ZFPM1: variants seen among roughly 807,000 people sequenced by gnomAD.
ZFPM1 encodes zinc finger protein, FOG family member 1, also known as zinc finger protein ZFPM1.
In ZFPM1, 28 loss-of-function variants were observed where a neutral mutation model predicts 46.3. The observed-to-expected ratio is 0.60, with a 90% CI of 0.45 to 0.83. The LOEUF (loss-of-function observed/expected upper bound fraction) is 0.83. Ranked by LOEUF, ZFPM1 falls within the 40% of genes least tolerant of loss-of-function variation. The pLI is 0.00. For synonymous variants in ZFPM1, 957 were observed against 675.9 expected, an observed-to-expected ratio of 1.42 and a Z score of -6.45; for missense variants, 1,878 against 1,432.4, an observed-to-expected ratio of 1.31 and a Z score of -5.02.
Position 88,497,642 on chromosome 16 carries a change from G to T in ZFPM1, c.268+8489G>T, listed in dbSNP as rs1202230055. 1.3e-5 allele frequency among the ~76,000 whole-genome samples: 2 copies of T among 152,140 alleles called. No individual in the cohort carries two copies. The highest frequency in any genetic ancestry group is 4.8e-5 in the African/African-American group (2 of 41,422). On this transcript the variant is annotated intron_variant, in intron 3 of 9. Transcript: ENST00000319555. The surrounding 1 kb of genome is among the most constrained non-coding windows in gnomAD (Gnocchi z 5.4). ...TACCCTGAAGGGTTTTGTGGGGGGT[G>T]TTCGTGCCGTGAGCGATCCGGTCCA...
intron 4 of ZFPM1, among the ~76,000 whole-genome samples, chr16:88,514,916 G>A (rs1235908526): frequency 5.3e-5 from 8 of 152,280 alleles, no homozygotes; most frequent in Admixed American, 2.6e-4. Context: ...GTCTGTCCCC[G>A]CGGACTCTTC....
chr16:88,534,643 G>A lies in ZFPM1; in HGVS notation c.2685G>A (p.Pro895=). 1.9e-6 allele frequency: 2 copies of A among 1,031,116 alleles called. No homozygotes were observed. Among genetic ancestry groups the A allele is most frequent in the Non-Finnish European group, 2.3e-6 (2 of 862,604 alleles). 63.9% of individuals were successfully genotyped at this position (1,031,116 alleles called of 1,614,324 possible). A position where few individuals can be genotyped will look rare whatever the true frequency, so the allele number is the denominator to read the frequency against. ...GCCCGGGGGTCGAGGCCCGGACGCC[G>A]GCCGACCGCGGCCCCTCGCCCGCTC... ...LAGPGVEART[P]ADRGPSPAPA... is the part of the protein sequence containing the mutation. The change falls in exon 10 of 10, where the codon CCG becomes CCA. Residue 895 remains proline (P), a synonymous_variant. Transcript: ENST00000319555.
At chr16:88,481,888 C>T (rs1908961817) in intron 1 of ZFPM1, among the ~76,000 whole-genome samples, 1 of 152,244 alleles carries the variant, frequency 6.6e-6, no homozygotes, top group Non-Finnish European at 1.5e-5. Flanking sequence ...AAAACCTGTG[C>T]TAGCCACAGT....
intron 6 of ZFPM1, among the ~76,000 whole-genome samples, chr16:88,529,035 C>T (rs1239664469): frequency 2.0e-5 from 3 of 152,208 alleles, no homozygotes; most frequent in East Asian, 1.9e-4. Flanking sequence ...ATCCCAGCAC[C>T]GTGGGAGGCC....
At chr16:88,488,581 TG>T (rs904240803) in intron 2 of ZFPM1, among the ~76,000 whole-genome samples, 5 of 140,914 alleles carry the variant, frequency 3.5e-5, no homozygotes, top group African/African-American at 1.3e-4. Context: ...CGTCATGGGG[TG>T]GGGGGGCTTT....
At chr16:88,493,531 CCCGGGGTGGGGAGAGCT>C (rs1909742899) in intron 3 of ZFPM1, among the ~76,000 whole-genome samples, 1 of 103,350 alleles carries the variant, frequency 9.7e-6, no homozygotes, top group African/African-American at 4.0e-5. Flanking sequence ...GGGGAGCTGT[CCCGGGGTGGGGAGAGCT>C]GTCCCGGGGT....
At position 88,533,440 on chromosome 16, in the gene ZFPM1, C is replaced by T. The variant is rs1027486248; in HGVS notation, c.1482C>T (p.Ser494=). The change falls in exon 10 of 10, where the codon AGC becomes AGT. Residue 494 remains serine, a synonymous_variant. Transcript: ENST00000319555. ...QAPSRTPSPR[S]PAPARVKAEL... ...CGTCGCGGACGCCGTCGCCGCGCAGCCCCGCCCCGGCCAGGGTCAAGGCCG... is the reference window on the plus strand; with the variant it reads ...CGTCGCGGACGCCGTCGCCGCGCAGTCCCGCCCCGGCCAGGGTCAAGGCCG... The T allele has an allele frequency of 2.4e-5, 35 of 1,450,200 alleles. No individual in the cohort carries two copies. The Admixed American group carries it at 6.5e-4, about 27-fold the overall frequency. 89.8% of individuals were successfully genotyped at this position (1,450,200 alleles called of 1,614,324 possible).
chr16:88,533,658 C>G lies in ZFPM1; in HGVS notation c.1700C>G (p.Thr567Ser), dbSNP rs1396516178. ...GAGAGAGGAQ[T>S]GLFPGAPKGA... ...GGCGCGGGCGCCGGCGGCGCGCAGA[C>G]CGGGCTCTTCCCCGGGGCCCCCAAG... The change falls in exon 10 of 10, where the codon ACC becomes AGC. Residue 567 changes from threonine (T) to serine (S), a missense_variant. Transcript: ENST00000319555. 6.8e-7 allele frequency: 1 copy of G among 1,477,574 alleles called. No homozygotes were observed. Among genetic ancestry groups the G allele is most frequent in the Non-Finnish European group, 9.0e-7 (1 of 1,110,562 alleles). The allele number at this position is 1,477,574 out of a possible 1,614,324, so 91.5% of individuals were successfully genotyped here. A position where few individuals can be genotyped will look rare whatever the true frequency, so the allele number is the denominator to read the frequency against.
intron 4 of ZFPM1, among the ~76,000 whole-genome samples, chr16:88,519,629 T>C (rs1006820180): frequency 1.1e-5 from 1 of 88,350 alleles, no homozygotes; most frequent in African/African-American, 4.6e-5. Context: ...GATGCATGAT[T>C]AGGTGGGTGA....
chr16:88,534,501 C>T lies in ZFPM1; in HGVS notation c.2543C>T (p.Ala848Val). The T allele has an allele frequency of 6.9e-7, 1 of 1,459,358 alleles. No homozygotes were observed. Among genetic ancestry groups the T allele is most frequent in the Non-Finnish European group, 9.0e-7 (1 of 1,110,326 alleles). The allele number at this position is 1,459,358 out of a possible 1,614,324, so 90.4% of individuals were successfully genotyped here. A position where few individuals can be genotyped will look rare whatever the true frequency, so the allele number is the denominator to read the frequency against. The change falls in exon 10 of 10, where the codon GCG (alanine) becomes GTG (valine). Residue 848 changes from alanine to valine, a missense_variant. Physicochemically the swap from Ala to Val is moderately conservative, Grantham distance 64. Coordinates refer to ENST00000319555, the MANE Select transcript of ZFPM1 (RefSeq NM_153813.3). The stretch of plus-strand genomic sequence containing the variant: ...TGCCCCGCTGCGCCACCGCCCGGCG[C>T]GCTCGGCCTGCCCGCCGCCGCCTGC... ...YSCPAAPPPGALGLPAAACPY... is the reference protein window; with the variant it reads ...YSCPAAPPPGVLGLPAAACPY...
intron 4 of ZFPM1, among the ~76,000 whole-genome samples, chr16:88,526,171 C>T (rs1188172570): frequency 6.6e-6 from 1 of 152,240 alleles, no homozygotes; most frequent in African/African-American, 2.4e-5. Context: ...TGCTCCCCAG[C>T]GTCCGCCGTG....
intron 4 of ZFPM1, chr16:88,515,978 A>G: frequency 7.6e-6 from 3 of 396,476 alleles, no homozygotes. Context: ...AAGAAAACCC[A>G]TAGGTAGAGA....
rs1360742081 is a variant in ZFPM1, at chr16:88,536,581, A to G, written c.*1602A>G. 1 of 152,198 alleles carries G rather than the reference A, an allele frequency of 6.6e-6. No homozygotes were observed. Among genetic ancestry groups the G allele is most frequent in the Non-Finnish European group, 1.5e-5 (1 of 68,038 alleles). 9.4% of individuals were successfully genotyped at this position (152,198 alleles called of 1,614,324 possible). On this transcript the variant is annotated 3_prime_UTR_variant, in exon 10 of 10. Coordinates refer to ENST00000319555, the MANE Select transcript of ZFPM1 (RefSeq NM_153813.3). ...GCCTCTTGCCTCAGAAGCCCGAGGC[A>G]CTTCCCAGCCAGTCCAGGGCTCGCT...
At chr16:88,531,138 G>C (rs1202589890) in intron 6 of ZFPM1, 1 of 152,274 alleles carries the variant, frequency 6.6e-6, no homozygotes, top group Non-Finnish European at 1.5e-5. Flanking sequence ...AGCCAGATAA[G>C]GAATCCCAGG....
At chr16:88,458,788 A>T (rs1475775396) in intron 1 of ZFPM1, among the ~76,000 whole-genome samples, 1 of 152,188 alleles carries the variant, frequency 6.6e-6, no homozygotes, top group African/African-American at 2.4e-5. Flanking sequence ...CTGAGGCTAC[A>T]GCCACAGGTC....
intron 3 of ZFPM1, among the ~76,000 whole-genome samples, chr16:88,514,041 C>T (rs1427833101): frequency 6.6e-5 from 10 of 152,234 alleles, no homozygotes; most frequent in Non-Finnish European, 2.9e-5. Context: ...GGCCCCCAGT[C>T]AGCCATGACA....
rs762841648 is a variant in ZFPM1 at position 88,514,404 on chromosome 16, G to C, written c.286G>C (p.Val96Leu). The C allele has an allele frequency of 9.6e-6, 15 of 1,564,448 alleles. No homozygotes were observed. In the Middle Eastern group the frequency reaches 1.5e-3, roughly 156 times the overall value. Reference sequence around the variant, plus strand: ...CTCTGCAGACGAGCTGGAGCCGGTGGTGCAGGATGGGCAGAGGCGCATACG... The same window carrying C: ...CTCTGCAGACGAGCTGGAGCCGGTGCTGCAGGATGGGCAGAGGCGCATACG... ...WSGPDELEPV[V>L]QDGQRRIRAR... Residue 96 changes from valine (V) to leucine (L), a missense_variant, in exon 4 of 10, where the codon GTG (valine) becomes CTG (leucine). Physicochemically the swap from Val to Leu is conservative, Grantham distance 32 (BLOSUM62 1). Transcript: ENST00000319555.
At chr16:88,475,561 C>T (rs1294470028) in intron 1 of ZFPM1, among the ~76,000 whole-genome samples, 2 of 151,876 alleles carry the variant, frequency 1.3e-5, no homozygotes, top group African/African-American at 2.4e-5. Context: ...GAGGGGAGAG[C>T]GAGCTGAGGC....
intron 6 of ZFPM1, among the ~76,000 whole-genome samples, chr16:88,530,105 G>C (rs1912668394): frequency 6.6e-6 from 1 of 152,094 alleles, no homozygotes; most frequent in South Asian, 2.1e-4. Context: ...GGGATGGGAG[G>C]CCATTGCACC....
Sources: allele counts gnomAD v4.1 joint callset (sites outside exome capture counted in the v4.1 genomes callset), GRCh38; gene constraint gnomAD v4.1.1; non-coding constraint Gnocchi (gnomAD v3.1); transcripts MANE v1.5; gene names NCBI Gene and HGNC (gene_info 2026-07-23, HGNC 2026-07-21).